Variants in IL20RB observed in about 807,000 individuals in gnomAD.
The protein encoded by IL20RB is interleukin 20 receptor subunit beta, also known as interleukin-20 receptor subunit beta.
A neutral mutation model predicts 33.3 loss-of-function variants in IL20RB; 21 were observed. The observed-to-expected ratio is 0.63, with a 90% CI of 0.45 to 0.91. The LOEUF is 0.91. Among genes scored for constraint, IL20RB ranks in the 40% least tolerant of loss-of-function variants. The pLI, the probability that IL20RB is intolerant of heterozygous loss-of-function variation, is 0.00. For missense variants in IL20RB, 345 were observed against 384.8 expected (o/e 0.90, Z 0.86); for synonymous variants, 147 against 146.8 (o/e 1.00, Z -0.01).
At chr3:136,972,661 T>C (rs1221957353) in intron 1 of IL20RB, among the ~76,000 whole-genome samples, 1 of 152,136 alleles carries the variant, frequency 6.6e-6, no homozygotes, top group African/African-American at 2.4e-5. Context: ...ATTTCTGATA[T>C]TCTTTATTTG....
At chr3:136,974,628 C>G (rs772386352) in intron 1 of IL20RB, among the ~76,000 whole-genome samples, 1 of 152,132 alleles carries the variant, frequency 6.6e-6, no homozygotes, top group Admixed American at 6.5e-5. Context: ...TCTCTCTGGA[C>G]ATCATGAGCC....
At chr3:136,989,192 A>T (rs933259281) in intron 3 of IL20RB, among the ~76,000 whole-genome samples, 3 of 152,226 alleles carry the variant, frequency 2.0e-5, no homozygotes, top group South Asian at 2.1e-4. Flanking sequence ...TAAAGGATTA[A>T]AAAAGAAGAG....
intron 5 of IL20RB, among the ~76,000 whole-genome samples, chr3:136,992,319 T>G (rs1942049292): frequency 1.3e-5 from 2 of 152,208 alleles, no homozygotes; most frequent in African/African-American, 4.8e-5. Flanking sequence ...CTGAAACACT[T>G]TCCCCCTTAA....
intron 1 of IL20RB, among the ~76,000 whole-genome samples, chr3:136,975,403 A>G (rs1311495931): frequency 6.6e-6 from 1 of 152,016 alleles, no homozygotes; most frequent in African/African-American, 2.4e-5. Context: ...CAGTGGTGCA[A>G]TCTTGGCTCA....
chr3:136,990,964 C>T (rs777097422), intron 4 of IL20RB, among the ~76,000 whole-genome samples: 1 of 152,242 alleles, frequency 6.6e-6, no homozygotes, highest in Non-Finnish European at 1.5e-5. Context: ...ATGGAGCCCA[C>T]TACCCACCTT....
At chr3:136,987,485 C>A (rs1224741805) in intron 3 of IL20RB, among the ~76,000 whole-genome samples, 1 of 152,238 alleles carries the variant, frequency 6.6e-6, no homozygotes, top group Admixed American at 6.5e-5. Context: ...CATAAAGATT[C>A]TCCAAGGCCC....
At chr3:137,009,746 G>T (rs1933033880) in intron 6 of IL20RB, among the ~76,000 whole-genome samples, 1 of 152,046 alleles carries the variant, frequency 6.6e-6, no homozygotes, top group Non-Finnish European at 1.5e-5. Context: ...ATGTTGCCCA[G>T]GCTGGTCTCT....
intron 1 of IL20RB, among the ~76,000 whole-genome samples, chr3:136,979,250 G>A (rs1028140033): frequency 6.6e-6 from 1 of 152,164 alleles, no homozygotes; most frequent in African/African-American, 2.4e-5. Context: ...AGGGTGAGAT[G>A]GAGGTGCATC....
chr3:136,998,555 C>T (rs1160673360), intron 6 of IL20RB, among the ~76,000 whole-genome samples: 5 of 150,094 alleles, frequency 3.3e-5, no homozygotes, highest in African/African-American at 9.8e-5. Context: ...GACAAATTCT[C>T]TTTGATTTTT....
chr3:136,990,895 T>C (rs572396234), intron 4 of IL20RB, among the ~76,000 whole-genome samples: 3 of 152,258 alleles, frequency 2.0e-5, no homozygotes, highest in Admixed American at 2.0e-4. Context: ...TGGAGTAGTG[T>C]TGGGGACAGG....
intron 1 of IL20RB, among the ~76,000 whole-genome samples, chr3:136,958,534 G>T (rs979227144): frequency 6.6e-6 from 1 of 152,194 alleles, no homozygotes; most frequent in Non-Finnish European, 1.5e-5. Flanking sequence ...TACTGTGTGT[G>T]TCTTGGAGAT....
intron 5 of IL20RB, among the ~76,000 whole-genome samples, chr3:136,995,060 C>G (rs549020530): frequency 1.3e-5 from 2 of 152,352 alleles, no homozygotes; most frequent in Admixed American, 1.3e-4. Flanking sequence ...TTCAATACCT[C>G]CCCCTCATCC....
rs1560069643 is a variant in IL20RB, at chr3:136,980,583, A to T, written c.206A>T (p.Glu69Val). The T allele has an allele frequency of 6.2e-7, 1 of 1,614,166 alleles. No individual in the cohort carries two copies. Among genetic ancestry groups the T allele is most frequent in the Non-Finnish European group, 8.5e-7 (1 of 1,180,028 alleles). The part of the protein sequence containing the change: ...APGETVYYSV[E>V]YQGEYESLYT... ...GGAGAAACAGTGTACTATTCTGTCGAATACCAGGGGTGAGTTTTTTCTTTT... is the reference window on the plus strand; with the variant it reads ...GGAGAAACAGTGTACTATTCTGTCGTATACCAGGGGTGAGTTTTTTCTTTT... The change falls in exon 2 of 7, where the codon GAA becomes GTA. Residue 69 changes from glutamate (E) to valine (V), a missense_variant. Transcript: ENST00000329582.
intron 3 of IL20RB, 134 bp downstream of exon 3, chr3:136,982,484 C>A (rs928282685): frequency 5.1e-6 from 3 of 582,718 alleles, no homozygotes; most frequent in Non-Finnish European, 8.5e-6. Flanking sequence ...CACAAACAAC[C>A]CTTACTGGTA....
intron 6 of IL20RB, among the ~76,000 whole-genome samples, chr3:137,003,587 G>A (rs750932663): frequency 6.6e-6 from 1 of 152,168 alleles, no homozygotes; most frequent in Non-Finnish European, 1.5e-5. Context: ...CGGTGTATAG[G>A]AATGCTTGTG....
At chr3:136,975,881 T>G (rs1941605545) in intron 1 of IL20RB, among the ~76,000 whole-genome samples, 1 of 152,174 alleles carries the variant, frequency 6.6e-6, no homozygotes, top group Non-Finnish European at 1.5e-5. Context: ...GGCCTCCACA[T>G]GGCTTGCTTG....
intron 1 of IL20RB, among the ~76,000 whole-genome samples, chr3:136,962,836 C>A: frequency 8.0e-6 from 1 of 125,648 alleles, no homozygotes. Flanking sequence ...GACATGACAG[C>A]TAAATGAAAA....
chr3:136,976,976 CACTT>C (rs1406428411), intron 1 of IL20RB, among the ~76,000 whole-genome samples: 2 of 152,222 alleles, frequency 1.3e-5, no homozygotes, highest in African/African-American at 4.8e-5. Flanking sequence ...AGAAGTCTCT[CACTT>C]ACTCTGCCCA....
intron 6 of IL20RB, among the ~76,000 whole-genome samples, chr3:137,006,571 G>T (rs1397655935): frequency 6.6e-6 from 1 of 151,944 alleles, no homozygotes; most frequent in African/African-American, 2.4e-5. Context: ...ATCTACTGAA[G>T]CTTGTGCATG....
Sources: gnomAD v4.1 joint callset for allele counts (sites outside exome capture counted in the v4.1 genomes callset) on GRCh38, gnomAD v4.1.1 for gene constraint, MANE v1.5 for transcripts, NCBI Gene and HGNC (gene_info 2026-07-23, HGNC 2026-07-21) for gene names.